Variants in SGCZ observed in about 807,000 individuals in gnomAD.
SGCZ encodes the protein zeta-sarcoglycan.
In SGCZ, 40 loss-of-function variants were observed where a neutral mutation model predicts 41.3. That is an observed-to-expected ratio of 0.97 (90% CI 0.75 to 1.26). SGCZ has a LOEUF of 1.26. Among genes scored for constraint, SGCZ ranks in the 50% most tolerant of loss-of-function variants. The pLI is 0.00. For missense variants in SGCZ, 552 were observed against 369.8 expected, an observed-to-expected ratio of 1.49 and a Z score of -4.04; for synonymous variants, 206 against 137.5, an observed-to-expected ratio of 1.50 and a Z score of -3.49.
At chr8:14,105,525 T>C (rs1385780581) in intron 6 of SGCZ, among the ~76,000 whole-genome samples, 1 of 152,072 alleles carries the variant, frequency 6.6e-6, no homozygotes, top group Non-Finnish European at 1.5e-5. Context: ...TCAGCAAGGC[T>C]TGTAAAGTTT....
At chr8:14,927,099 A>ATTTTTTTTTTTTTTTTTTTT (rs1563368643) in intron 1 of SGCZ, among the ~76,000 whole-genome samples, 2 of 129,634 alleles carry the variant, frequency 1.5e-5, no homozygotes, top group African/African-American at 5.8e-5. Context: ...AAAGTTCCTG[A>ATTTTTTTTTTTTTTTTTTTT]TTCTTTTTTT....
At chr8:14,609,207 T>C (rs1361201808) in intron 1 of SGCZ, among the ~76,000 whole-genome samples, 1 of 152,186 alleles carries the variant, frequency 6.6e-6, no homozygotes, top group Admixed American at 6.5e-5. Context: ...AATTGTATTA[T>C]TACTTACAAA....
At chr8:14,956,411 C>G (rs1224073990) in intron 1 of SGCZ, among the ~76,000 whole-genome samples, 2 of 152,114 alleles carry the variant, frequency 1.3e-5, no homozygotes, top group Non-Finnish European at 2.9e-5. Flanking sequence ...TCTGCAATCT[C>G]AGCTCTTTAG....
chr8:14,286,317 G>A (rs569031430), intron 3 of SGCZ, among the ~76,000 whole-genome samples: 1 of 152,146 alleles, frequency 6.6e-6, no homozygotes, highest in South Asian at 2.1e-4. Context: ...TTTTCATTAA[G>A]CCTTGTCCAA....
chr8:15,178,768 C>G (rs17575615), intron 1 of SGCZ, among the ~76,000 whole-genome samples: 8 of 151,372 alleles, frequency 5.3e-5, no homozygotes, highest in Non-Finnish European at 1.0e-4. Context: ...GGAATAATTA[C>G]GAAGACTGAG....
intron 1 of SGCZ, among the ~76,000 whole-genome samples, chr8:14,561,356 G>A (rs544461349): frequency 6.6e-6 from 1 of 152,264 alleles, no homozygotes; most frequent in African/African-American, 2.4e-5. Flanking sequence ...CAGAGGTACT[G>A]ATTTTCTCAG....
chr8:14,120,198 A>G (rs1038218343), intron 5 of SGCZ, among the ~76,000 whole-genome samples: 2 of 152,176 alleles, frequency 1.3e-5, no homozygotes, highest in Admixed American at 6.6e-5. Context: ...TCACTGGAAT[A>G]TAAGTTTGGT....
In SGCZ at chr8:14,108,251, ATATAGCAG is replaced by A; in HGVS notation, c.548-24_548-17del. 6.2e-7 allele frequency: 1 copy of A among 1,613,178 alleles called. No homozygotes were observed. The highest frequency in any genetic ancestry group is 8.5e-7 in the Non-Finnish European group (1 of 1,179,182). ...CCTTCAGTGCCTGGGGGTAGCATGA[ATATAGCAG>A]TCAGTATAAGCAAGTCCACACAGTG... is the stretch of plus-strand genomic sequence containing the variant. On this transcript the variant is annotated splice_polypyrimidine_tract_variant and intron_variant, in intron 5 of 7. Transcript: ENST00000382080.
intron 1 of SGCZ, among the ~76,000 whole-genome samples, chr8:15,125,920 T>G (rs879812535): frequency 6.6e-6 from 1 of 152,188 alleles, no homozygotes; most frequent in South Asian, 2.1e-4. Context: ...CCAAGGCAAG[T>G]GGATCACCTG....
chr8:15,044,347 G>C (rs933949309), intron 1 of SGCZ, among the ~76,000 whole-genome samples: 1 of 151,950 alleles, frequency 6.6e-6, no homozygotes, highest in Non-Finnish European at 1.5e-5. Context: ...CTTTACATTT[G>C]GGTTCATTAG....
At chr8:14,263,950 G>C (rs951536804) in intron 3 of SGCZ, among the ~76,000 whole-genome samples, 1 of 152,224 alleles carries the variant, frequency 6.6e-6, no homozygotes, top group Non-Finnish European at 1.5e-5. Flanking sequence ...ATGAAGCCCA[G>C]TATTGGGCAG....
chr8:14,483,845 A>G (rs780673115), intron 2 of SGCZ, among the ~76,000 whole-genome samples: 2 of 152,190 alleles, frequency 1.3e-5, no homozygotes, highest in African/African-American at 2.4e-5. Context: ...GCCTGAAAAT[A>G]AGGTTGTTTT....
chr8:14,263,644 C>T (rs768511223), intron 3 of SGCZ, among the ~76,000 whole-genome samples: 10 of 152,110 alleles, frequency 6.6e-5, no homozygotes, highest in Non-Finnish European at 1.3e-4. Context: ...ATAAGACCCT[C>T]CAGTGATCAT....
chr8:14,744,416 T>C (rs1317582157), intron 1 of SGCZ, among the ~76,000 whole-genome samples: 1 of 152,140 alleles, frequency 6.6e-6, no homozygotes, highest in African/African-American at 2.4e-5. Flanking sequence ...ACATCTTCTA[T>C]CCATAGGGCT....
intron 1 of SGCZ, among the ~76,000 whole-genome samples, chr8:14,646,401 C>T (rs1807218195): frequency 6.6e-6 from 1 of 151,888 alleles, no homozygotes; most frequent in Non-Finnish European, 1.5e-5. Flanking sequence ...TTCATGGCTG[C>T]ATAGTATTCC....
intron 2 of SGCZ, among the ~76,000 whole-genome samples, chr8:14,519,739 T>C (rs534340401): frequency 3.9e-5 from 6 of 152,128 alleles, no homozygotes; most frequent in Non-Finnish European, 8.8e-5. Context: ...ATTTTTCAAG[T>C]TTTGCATAGA....
intron 1 of SGCZ, among the ~76,000 whole-genome samples, chr8:14,795,119 A>C (rs2130481740): frequency 6.6e-6 from 1 of 152,330 alleles, no homozygotes. Context: ...AATAAAGGTA[A>C]GTAGGAGGGT....
chr8:14,484,818 A>T (rs1801630121), intron 2 of SGCZ, among the ~76,000 whole-genome samples: 1 of 152,210 alleles, frequency 6.6e-6, no homozygotes, highest in African/African-American at 2.4e-5. Context: ...AACCATAGAG[A>T]TCATTTAGCT....
At chr8:14,434,915 G>A (rs1455201075) in intron 2 of SGCZ, among the ~76,000 whole-genome samples, 1 of 152,114 alleles carries the variant, frequency 6.6e-6, no homozygotes, top group Non-Finnish European at 1.5e-5. Flanking sequence ...TGGAGAGCAA[G>A]TCCTCACCAG....
Sources: gnomAD v4.1 joint callset for allele counts (sites outside exome capture counted in the v4.1 genomes callset) on GRCh38, gnomAD v4.1.1 for gene constraint, MANE v1.5 for transcripts, NCBI Gene and HGNC (gene_info 2026-07-23, HGNC 2026-07-21) for gene names.